Variants in VDR observed in about 807,000 individuals in gnomAD.
The protein encoded by VDR is vitamin D3 receptor.
VDR carries 19 observed loss-of-function variants against 39.7 expected under a neutral mutation model. That is an observed-to-expected ratio of 0.48 (90% confidence interval 0.33 to 0.70). VDR has a LOEUF of 0.70. Among genes scored for constraint, VDR ranks in the 30% least tolerant of loss-of-function variants. The probability of loss-of-function intolerance (pLI) is 0.02; values close to 1 mark genes in which losing one functional copy is unlikely to be tolerated. For synonymous variants in VDR, 242 were observed against 215.8 expected (o/e 1.12, Z -1.07); for missense variants, 442 against 570.5 (o/e 0.77, Z 2.29).
chr12:47,889,394 T>G (rs1237285109), intron 1 of VDR, among the ~76,000 whole-genome samples: 1 of 152,016 alleles, frequency 6.6e-6, no homozygotes, highest in Non-Finnish European at 1.5e-5. Context: ...CTGCAGCAGG[T>G]CCTCCCAGCA....
At chr12:47,884,188 C>T (rs1159875491) in intron 1 of VDR, among the ~76,000 whole-genome samples, 3 of 152,200 alleles carry the variant, frequency 2.0e-5, no homozygotes, top group African/African-American at 7.2e-5. Context: ...TTCCTATCCT[C>T]AATCCCTGTG....
intron 4 of VDR, among the ~76,000 whole-genome samples, chr12:47,863,878 G>C (rs1945673453): frequency 6.6e-6 from 1 of 152,234 alleles, no homozygotes; most frequent in African/African-American, 2.4e-5. Flanking sequence ...CCCAACAACA[G>C]ATAATTTTTT....
At chr12:47,855,287 C>G (rs376852541) in intron 7 of VDR, among the ~76,000 whole-genome samples, 6 of 151,988 alleles carry the variant, frequency 3.9e-5, no homozygotes, top group East Asian at 1.9e-4. Flanking sequence ...AAGATAGTGC[C>G]ACTGCACTCC....
At chr12:47,884,227 A>G (rs1989969) in intron 1 of VDR, among the ~76,000 whole-genome samples, 91,758 of 151,988 alleles carry the variant, frequency 0.6, 27,871 homozygotes, top group South Asian at 0.79. Context: ...TGACATCCAG[A>G]TAGACAACCA....
chr12:47,846,945 G>A (rs1945292557), intron 7 of VDR, 137 bp from the exon 8 acceptor site: 1 of 1,026,006 alleles, frequency 9.7e-7, no homozygotes, highest in Non-Finnish European at 1.5e-6. Flanking sequence ...GAGCTTGCAG[G>A]CTGGCTGGAA....
chr12:47,864,538 G>A (rs986177897), intron 4 of VDR, among the ~76,000 whole-genome samples: 4 of 152,302 alleles, frequency 2.6e-5, no homozygotes, highest in South Asian at 4.1e-4. Flanking sequence ...AGGCTGGGGT[G>A]GGACAGAACG....
chr12:47,847,775 TTC>T (rs1945307104), intron 7 of VDR, among the ~76,000 whole-genome samples: 1 of 152,040 alleles, frequency 6.6e-6, no homozygotes, highest in Admixed American at 6.6e-5. Context: ...CAGTGTCCTG[TTC>T]TGTCACACAA....
intron 1 of VDR, chr12:47,883,025 G>C (rs1946189384): frequency 2.2e-6 from 1 of 451,820 alleles, no homozygotes; most frequent in Admixed American, 4.3e-5. Context: ...GGAAGCGGTG[G>C]CGGCAACCAG....
chr12:47,885,277 C>G (rs1407593737), intron 1 of VDR, among the ~76,000 whole-genome samples: 2 of 152,234 alleles, frequency 1.3e-5, no homozygotes, highest in Non-Finnish European at 2.9e-5. Flanking sequence ...CATCAAAAAC[C>G]CTGCCTGACC....
chr12:47,880,799 A>T (rs1946131641), intron 2 of VDR, among the ~76,000 whole-genome samples: 1 of 149,932 alleles, frequency 6.7e-6, no homozygotes, highest in Non-Finnish European at 1.5e-5. Flanking sequence ...TCACAGCTAG[A>T]TTTATACTTG....
intron 3 of VDR, among the ~76,000 whole-genome samples, chr12:47,871,298 C>CT (rs1491306120): frequency 9.1e-6 from 1 of 109,732 alleles, no homozygotes; most frequent in Non-Finnish European, 1.9e-5. Flanking sequence ...CTTTCTCTTT[C>CT]TTTCTTTCTT....
chr12:47,848,051 C>CACCATG (rs543125481), intron 7 of VDR, among the ~76,000 whole-genome samples: 89 of 152,332 alleles, frequency 5.8e-4, no homozygotes, highest in African/African-American at 2.1e-3. Context: ...AGGTGCCCGC[C>CACCATG]ACCATGGCCA....
intron 4 of VDR, among the ~76,000 whole-genome samples, chr12:47,859,923 T>TTCTTTCTTTCTTTCTTTCTTTC: frequency 2.0e-5 from 1 of 50,982 alleles, no homozygotes; most frequent in East Asian, 4.7e-4. Context: ...CCTTCTTTCT[T>TTCTTTCTTTCTTTCTTTCTTTC]TTTCTTTCTT....
intron 4 of VDR, among the ~76,000 whole-genome samples, chr12:47,859,914 C>T (rs58823521): frequency 0.3 from 15,480 of 52,056 alleles, 2,788 homozygotes; most frequent in African/African-American, 0.34. Context: ...TCCTTCCTTC[C>T]TTCTTTCTTT....
In VDR at chr12:47,879,301, A is replaced by G. The variant is rs115436643; in HGVS notation, c.-2-186T>C. On this transcript the variant is annotated intron_variant, in intron 2 of 9. Transcript: ENST00000549336. ...CACAGTGCCTTCGGAGCCCTCATACATGATTCGCCCTACATAGCTGGCTCA... is the reference window on the plus strand; with the variant it reads ...CACAGTGCCTTCGGAGCCCTCATACGTGATTCGCCCTACATAGCTGGCTCA... 9.7e-3 allele frequency among the ~76,000 whole-genome samples: 1,465 copies of G among 151,120 alleles called. 20 individuals are homozygous for G. Among genetic ancestry groups the G allele is most frequent in the African/African-American group, 0.034 (1,379 of 41,070 alleles).
chr12:47,893,079 G>A (rs1171842904), intron 1 of VDR, among the ~76,000 whole-genome samples: 1 of 152,224 alleles, frequency 6.6e-6, no homozygotes, highest in Admixed American at 6.5e-5. Flanking sequence ...CCACACTCAT[G>A]TCAAAGGCCT....
intron 3 of VDR, among the ~76,000 whole-genome samples, chr12:47,866,430 A>T (rs993210054): frequency 6.6e-6 from 1 of 152,218 alleles, no homozygotes; most frequent in East Asian, 1.9e-4. Flanking sequence ...TCTCCAGAGT[A>T]GCCAGCATAA....
At chr12:47,875,261 C>T (rs1229764094) in intron 3 of VDR, among the ~76,000 whole-genome samples, 1 of 152,228 alleles carries the variant, frequency 6.6e-6, no homozygotes, top group Non-Finnish European at 1.5e-5. Context: ...AAACCAAATA[C>T]TAAATGGTCA....
At chr12:47,900,332 C>T (rs1206734899) in intron 1 of VDR, among the ~76,000 whole-genome samples, 2 of 152,178 alleles carry the variant, frequency 1.3e-5, no homozygotes, top group Non-Finnish European at 2.9e-5. Context: ...CCTCTCAGCT[C>T]ATAAACATTT....
Sources: gnomAD v4.1 joint callset for allele counts (sites outside exome capture counted in the v4.1 genomes callset) on GRCh38, gnomAD v4.1.1 for gene constraint, MANE v1.5 for transcripts, NCBI Gene and HGNC (gene_info 2026-07-23, HGNC 2026-07-21) for gene names.